Variants in TMEM168 observed in about 807,000 individuals in gnomAD.
TMEM168 encodes transmembrane protein 168.
TMEM168 carries 40 observed loss-of-function variants against 53.2 expected under a neutral mutation model. The ratio of observed to expected loss-of-function variants is 0.75; its 90% confidence interval spans 0.58 to 0.98. The LOEUF (loss-of-function observed/expected upper bound fraction) is 0.98. Ranked by LOEUF, TMEM168 falls within the 50% of genes least tolerant of loss-of-function variation. The pLI is 0.00. For missense variants in TMEM168, 771 were observed against 828.8 expected, an observed-to-expected ratio of 0.93 and a Z score of 0.86; for synonymous variants, 282 against 293.0, an observed-to-expected ratio of 0.96 and a Z score of 0.38.
chr7:112,783,778 G>T lies in TMEM168; in HGVS notation c.1048C>A (p.Arg350Ser). ...LDRIMASKGM[R>S]HFCLISEQLV... ...TGCTCTGAAATCAAGCAAAAATGGC[G>T]CATCCCTTTGGATGCCATGATTCTA... Residue 350 changes from arginine (R) to serine (S), a missense_variant, in exon 2 of 5, where the codon CGC (arginine) becomes AGC (serine). Coordinates refer to ENST00000312814, the MANE Select transcript of TMEM168 (RefSeq NM_022484.6). 6.3e-7 allele frequency: 1 copy of T among 1,585,242 alleles called. No individual in the cohort carries two copies. The highest frequency in any genetic ancestry group is 8.6e-7 in the Non-Finnish European group (1 of 1,167,762).
At position 112,783,754 on chromosome 7, in the gene TMEM168, GCT is replaced by G; in HGVS notation, c.1070_1071del (p.Glu357AlafsTer6). 6.3e-7 allele frequency: 1 copy of G among 1,575,960 alleles called. No homozygotes were observed. The highest frequency in any genetic ancestry group is 8.6e-7 in the Non-Finnish European group (1 of 1,164,478). On this transcript the variant is annotated frameshift_variant, in exon 2 of 5. Transcript: ENST00000312814. LOFTEE classifies it high-confidence loss of function. ...GCAAGAAGACTAAAGAACACCAACT[GCT>G]CTGAAATCAAGCAAAAATGGCGCAT... ...KGMRHFCLIS[E>X]QLVFFSLLAT...
chr7:112,781,021 C>G (rs778305897), intron 2 of TMEM168, among the ~76,000 whole-genome samples: 1 of 144,886 alleles, frequency 6.9e-6, no homozygotes, highest in African/African-American at 2.6e-5. Context: ...TCTGTTTTAA[C>G]TACTCAACTA....
chr7:112,777,283 T>C (rs995700582), intron 2 of TMEM168, among the ~76,000 whole-genome samples: 4 of 152,194 alleles, frequency 2.6e-5, no homozygotes, highest in African/African-American at 4.8e-5. Flanking sequence ...AATCCAAATA[T>C]AACTGATTTT....
Position 112,772,992 on chromosome 7 carries a change from A to G in TMEM168, c.1335T>C (p.Thr445=). The G allele has an allele frequency of 6.2e-7, 1 of 1,613,882 alleles. No homozygotes were observed. The highest frequency in any genetic ancestry group is 1.3e-5 in the African/African-American group (1 of 75,062). Residue 445 remains threonine (T), a synonymous_variant, in exon 4 of 5, where the codon ACT becomes ACC. Coordinates refer to ENST00000312814, the MANE Select transcript of TMEM168 (RefSeq NM_022484.6). The part of the protein sequence containing the change: ...EHVQELNLRS[T]GMLNAIQRFF... ...ATCTTTGGATAGCATTGAGCATGCCAGTAGACCTCAAATTTAACTCCTGTA... is the reference window on the plus strand; with the variant it reads ...ATCTTTGGATAGCATTGAGCATGCCGGTAGACCTCAAATTTAACTCCTGTA...
Position 112,767,660 on chromosome 7 carries a change from A to T in TMEM168, c.1631T>A (p.Leu544Ter). 1 of 1,614,094 alleles carries T rather than the reference A, an allele frequency of 6.2e-7. No individual in the cohort carries two copies. The highest frequency in any genetic ancestry group is 8.5e-7 in the Non-Finnish European group (1 of 1,180,002). ...GSFCSRLIIV[L>*]DSENSTPWVK... Reference sequence around the variant, plus strand: ...CCAAGGGGTTGAATTTTCGCTGTCTAATACGATAATAAGCCGGGAACAAAA... The same window carrying T: ...CCAAGGGGTTGAATTTTCGCTGTCTTATACGATAATAAGCCGGGAACAAAA... Residue 544 changes from leucine to a stop codon, truncating the protein, a stop_gained, in exon 5 of 5, where the codon TTA (leucine) becomes TAA (stop). Coordinates refer to ENST00000312814, the MANE Select transcript of TMEM168 (RefSeq NM_022484.6). LOFTEE classifies it high-confidence loss of function.
At chr7:112,780,692 C>G (rs1470689888) in intron 2 of TMEM168, among the ~76,000 whole-genome samples, 2 of 152,124 alleles carry the variant, frequency 1.3e-5, no homozygotes, top group Non-Finnish European at 2.9e-5. Flanking sequence ...CCATTGTACT[C>G]TAGCCCACAC....
chr7:112,776,606 G>T (rs1793090605), intron 2 of TMEM168, among the ~76,000 whole-genome samples: 1 of 152,082 alleles, frequency 6.6e-6, no homozygotes, highest in East Asian at 1.9e-4. Context: ...CACAGTACAT[G>T]CTCCATTTAA....
intron 1 of TMEM168, among the ~76,000 whole-genome samples, chr7:112,789,539 T>C (rs1793486122): frequency 1.3e-5 from 2 of 152,228 alleles, no homozygotes; most frequent in East Asian, 3.8e-4. Flanking sequence ...GGAGAGTCCA[T>C]GAATGTTTGG....
At chr7:112,771,917 C>T (rs188029076) in intron 4 of TMEM168, among the ~76,000 whole-genome samples, 1 of 152,036 alleles carries the variant, frequency 6.6e-6, no homozygotes, top group African/African-American at 2.4e-5. Context: ...AAGAAAATTA[C>T]CTTTTTTAAT....
At position 112,766,135 on chromosome 7, in the gene TMEM168, T is replaced by A. The variant is rs188293460; in HGVS notation, c.*1062A>T. The A allele has an allele frequency of 1.3e-4, 20 of 152,736 alleles. No individual in the cohort carries two copies. Among genetic ancestry groups the A allele is most frequent in the Admixed American group, 3.3e-4 (5 of 15,300 alleles). 9.5% of individuals were successfully genotyped at this position (152,736 alleles called of 1,614,324 possible). Reference sequence around the variant, plus strand: ...GCTTTAATCAGACAAAACACTAAGTTTTAAAAATTACAACCACAATATTAT... The same window carrying A: ...GCTTTAATCAGACAAAACACTAAGTATTAAAAATTACAACCACAATATTAT... On this transcript the variant is annotated 3_prime_UTR_variant, in exon 5 of 5. Transcript: ENST00000312814.
intron 4 of TMEM168, 49 bp from the exon 5 acceptor site, chr7:112,767,793 A>C (rs1792826549): frequency 4.0e-6 from 6 of 1,498,730 alleles, no homozygotes; most frequent in Non-Finnish European, 5.4e-6. Context: ...GCAGCCTCTC[A>C]TTAAGAAAAC....
At chr7:112,776,303 TAAG>T (rs1466913771) in intron 2 of TMEM168, among the ~76,000 whole-genome samples, 2 of 151,400 alleles carry the variant, frequency 1.3e-5, no homozygotes, top group Admixed American at 6.6e-5. Context: ...GCAGAAGAAA[TAAG>T]GAGGAGGCAA....
At position 112,784,624 on chromosome 7, in the gene TMEM168, A is replaced by C. The variant is rs746441215; in HGVS notation, c.202T>G (p.Phe68Val). Residue 68 changes from phenylalanine (F) to valine (V), a missense_variant, in exon 2 of 5, where the codon TTT becomes GTT. Physicochemically the swap from Phe to Val is conservative, Grantham distance 50. Transcript: ENST00000312814. ...KTANSLILVI[F>V]ILGLFVLGIA... The stretch of plus-strand genomic sequence containing the variant: ...CCAAGAACAAAAAGACCAAGAATAA[A>C]AATTACCAAAATTAAGGAATTTGCT... 3 of 1,611,950 alleles carry C rather than the reference A, an allele frequency of 1.9e-6. No individual in the cohort carries two copies. The highest frequency in any genetic ancestry group is 1.7e-5 in the Admixed American group (1 of 59,572).
chr7:112,779,273 A>T (rs1398803568), intron 2 of TMEM168, among the ~76,000 whole-genome samples: 1 of 152,350 alleles, frequency 6.6e-6, no homozygotes, highest in African/African-American at 2.4e-5. Flanking sequence ...AAGCAAGCTT[A>T]GAAAAACAGT....
chr7:112,767,142 G>C lies in TMEM168; in HGVS notation c.*55C>G. On this transcript the variant is annotated 3_prime_UTR_variant, in exon 5 of 5. Coordinates refer to ENST00000312814, the MANE Select transcript of TMEM168 (RefSeq NM_022484.6). ...AAATACAGCATACAAAAAATGGCAAGTTAGTGATAATTGGTAGTATGAGTG... is the reference window on the plus strand; with the variant it reads ...AAATACAGCATACAAAAAATGGCAACTTAGTGATAATTGGTAGTATGAGTG... 6.6e-7 allele frequency: 1 copy of C among 1,508,826 alleles called. No individual in the cohort carries two copies. Among genetic ancestry groups the C allele is most frequent in the South Asian group, 1.3e-5 (1 of 75,796 alleles). 93.5% of individuals were successfully genotyped at this position (1,508,826 alleles called of 1,614,324 possible). A position where few individuals can be genotyped will look rare whatever the true frequency, so the allele number is the denominator to read the frequency against.
chr7:112,767,314 A>G lies in TMEM168; in HGVS notation c.1977T>C (p.Gly659=), dbSNP rs775372106. The G allele has an allele frequency of 2.7e-5, 44 of 1,614,056 alleles. No individual in the cohort carries two copies. The highest frequency in any genetic ancestry group is 1.0e-4 in the Admixed American group (6 of 60,002). Residue 659 remains glycine (G), a synonymous_variant, in exon 5 of 5, where the codon GGT becomes GGC. Coordinates refer to ENST00000312814, the MANE Select transcript of TMEM168 (RefSeq NM_022484.6). ...TTTTGCAGATCCAAAAAAGGTTCAG[A>G]CCGCATAACCAATTTGCCAAATGCA... The part of the protein sequence containing the change: ...PLVHLANWLC[G]LNLFWICKTC...
At position 112,767,702 on chromosome 7, in the gene TMEM168, C is replaced by T. The variant is rs1562859528; in HGVS notation, c.1589G>A (p.Arg530Lys). ...LRLDTLIEWW[R>K]EKNGSFCSRL... ...GGAACAAAAGGAACCATTCTTTTCT[C>T]TCCACCATTCTATAAGTGTGTCAAG... Residue 530 changes from arginine (R) to lysine (K), a missense_variant, in exon 5 of 5, where the codon AGA becomes AAA. Coordinates refer to ENST00000312814, the MANE Select transcript of TMEM168 (RefSeq NM_022484.6). 1 of 1,613,700 alleles carries T rather than the reference C, an allele frequency of 6.2e-7. No homozygotes were observed. The highest frequency in any genetic ancestry group is 8.5e-7 in the Non-Finnish European group (1 of 1,179,912).
Position 112,784,309 on chromosome 7 carries a change from A to G in TMEM168, c.517T>C (p.Leu173=). The G allele has an allele frequency of 1.2e-6, 2 of 1,614,208 alleles. No homozygotes were observed. The highest frequency in any genetic ancestry group is 1.3e-5 in the African/African-American group (1 of 75,052). ...ATGACACTCAGAGACTTCTCCACCA[A>G]CATAGTTGTGCTGGCAATGGCAAAT... is the stretch of plus-strand genomic sequence containing the variant. The part of the protein sequence containing the change: ...VGFAIASTTM[L]VEKSLSVILL... The change falls in exon 2 of 5, where the codon TTG becomes CTG. Residue 173 remains leucine, a synonymous_variant. Transcript: ENST00000312814.
At chr7:112,783,612 AC>A in intron 2 of TMEM168, 85 bp downstream of exon 2, 1 of 1,282,340 alleles carries the variant, frequency 7.8e-7, no homozygotes, top group Non-Finnish European at 1.0e-6. Flanking sequence ...GAAATCAGGA[AC>A]TTGACCTTAT....
Sources: allele counts gnomAD v4.1 joint callset (sites outside exome capture counted in the v4.1 genomes callset), GRCh38; gene constraint gnomAD v4.1.1; transcripts MANE v1.5; gene names NCBI Gene and HGNC (gene_info 2026-07-23, HGNC 2026-07-21).